The following C11orf65 variants were observed in gnomAD, a reference collection of about 807,000 sequenced individuals.
The protein encoded by C11orf65 is protein MFI.
In C11orf65, 38 loss-of-function variants were observed where a neutral mutation model predicts 35.3. The ratio of observed to expected loss-of-function variants is 1.08; its 90% CI spans 0.83 to 1.41. The LOEUF is 1.41. Ranked by LOEUF, C11orf65 falls within the 40% of genes most tolerant of loss-of-function variation. The pLI is 0.00. For synonymous variants in C11orf65, 105 were observed against 114.4 expected (o/e 0.92, Z 0.53); for missense variants, 370 against 367.1 (o/e 1.01, Z -0.06).
intron 7 of C11orf65, 42 bp from the exon 8 acceptor site, chr11:108,386,017 A>T (rs771488087): frequency 4.6e-6 from 7 of 1,507,844 alleles, no homozygotes; most frequent in Non-Finnish European, 6.4e-6. Context: ...TAATCGATTC[A>T]TTAGTACATA....
At chr11:108,419,714 C>T (rs563420677) in intron 3 of C11orf65, among the ~76,000 whole-genome samples, 3 of 151,896 alleles carry the variant, frequency 2.0e-5, no homozygotes, top group African/African-American at 7.3e-5. Flanking sequence ...AAAATAAAAT[C>T]AAAAAACTCT....
chr11:108,354,994 G>A, intron 2 of C11orf65: 2 of 868,738 alleles, frequency 2.3e-6, no homozygotes, highest in East Asian at 2.5e-5. Flanking sequence ...ATGTGGCTGG[G>A]CAGCAGAAAG....
intron 3 of C11orf65, among the ~76,000 whole-genome samples, chr11:108,427,392 C>T (rs567316481): frequency 1.3e-5 from 2 of 150,714 alleles, no homozygotes; most frequent in Admixed American, 6.6e-5. Context: ...ACAGATGCTT[C>T]TCAAAAGAAG....
chr11:108,469,521 A>G (rs1409158862), upstream of C11orf65, among the ~76,000 whole-genome samples: 3 of 151,514 alleles, frequency 2.0e-5, no homozygotes, highest in Non-Finnish European at 2.9e-5. Context: ...CATAATGGCA[A>G]AAACCGCGAT....
downstream of C11orf65, among the ~76,000 whole-genome samples, chr11:108,328,780 A>G (rs1200568957): frequency 6.6e-6 from 1 of 152,206 alleles, no homozygotes; most frequent in African/African-American, 2.4e-5. Flanking sequence ...AAAAATCACA[A>G]AAGAAATCTC....
At chr11:108,394,988 A>G (rs1362353580) in intron 6 of C11orf65, among the ~76,000 whole-genome samples, 1 of 152,040 alleles carries the variant, frequency 6.6e-6, no homozygotes, top group African/African-American at 2.4e-5. Flanking sequence ...AAACATAGCC[A>G]AGCACAGTGG....
At chr11:108,434,431 G>A (rs1794680470) in intron 2 of C11orf65, among the ~76,000 whole-genome samples, 1 of 151,768 alleles carries the variant, frequency 6.6e-6, no homozygotes, top group Non-Finnish European at 1.5e-5. Flanking sequence ...CTTGAATCTG[G>A]CAAGCGGAGG....
At chr11:108,450,210 T>C (rs1287323253) in intron 2 of C11orf65, among the ~76,000 whole-genome samples, 2 of 151,992 alleles carry the variant, frequency 1.3e-5, no homozygotes, top group South Asian at 2.1e-4. Flanking sequence ...TCAACCATTG[T>C]GGAAGTCAGC....
At chr11:108,458,247 C>T (rs1048644691) in intron 2 of C11orf65, among the ~76,000 whole-genome samples, 24 of 149,146 alleles carry the variant, frequency 1.6e-4, no homozygotes, top group South Asian at 6.3e-4. Flanking sequence ...TGGCACGTGC[C>T]GGTATCCCAC....
At chr11:108,401,800 T>C (rs1188846931) in intron 6 of C11orf65, among the ~76,000 whole-genome samples, 3 of 152,228 alleles carry the variant, frequency 2.0e-5, no homozygotes, top group Non-Finnish European at 4.4e-5. Flanking sequence ...TACACTACAG[T>C]ATACCAGAGA....
At chr11:108,448,053 T>C (rs1000379588) in intron 2 of C11orf65, among the ~76,000 whole-genome samples, 13 of 152,182 alleles carry the variant, frequency 8.5e-5, no homozygotes, top group African/African-American at 2.4e-4. Flanking sequence ...ATAAATTCCT[T>C]GACACATACA....
chr11:108,344,368 A>G (rs227074), intron 2 of C11orf65, among the ~76,000 whole-genome samples: 82,033 of 151,964 alleles, frequency 0.54, 22,681 homozygotes, highest in Middle Eastern at 0.74. Flanking sequence ...AGGAGAGGAG[A>G]CATGAGCAGG....
intron 2 of C11orf65, chr11:108,345,658 C>T (rs974495901): frequency 8.8e-7 from 1 of 1,138,704 alleles, no homozygotes; most frequent in Non-Finnish European, 1.2e-6. Flanking sequence ...GCCCCTATAT[C>T]TGTCATATTT....
intron 6 of C11orf65, 70 bp from the exon 7 acceptor site, chr11:108,393,448 T>C (rs564439704): frequency 2.2e-6 from 3 of 1,377,110 alleles, no homozygotes; most frequent in South Asian, 2.5e-5. Flanking sequence ...ACAGGCAATA[T>C]ATATTGTTGC....
At chr11:108,448,900 A>C (rs1187642109) in intron 2 of C11orf65, among the ~76,000 whole-genome samples, 2 of 152,356 alleles carry the variant, frequency 1.3e-5, no homozygotes, top group Admixed American at 1.3e-4. Context: ...ATTTCAGCCC[A>C]AAATCTCCTT....
chr11:108,315,406 TG>T (rs2084536030), intron 6 of C11orf65, among the ~76,000 whole-genome samples: 1 of 152,244 alleles, frequency 6.6e-6, no homozygotes, highest in Non-Finnish European at 1.5e-5. Context: ...GTAATAGATT[TG>T]TGTATATTTT....
At chr11:108,390,457 T>A (rs1316997402) in intron 7 of C11orf65, among the ~76,000 whole-genome samples, 1 of 152,256 alleles carries the variant, frequency 6.6e-6, no homozygotes, top group African/African-American at 2.4e-5. Context: ...TTATTCTTTT[T>A]ATATTCCAGT....
intron 2 of C11orf65, among the ~76,000 whole-genome samples, chr11:108,459,995 A>G (rs1283457295): frequency 1.3e-5 from 2 of 152,216 alleles, no homozygotes; most frequent in Non-Finnish European, 1.5e-5. Flanking sequence ...TTAGCTGGGT[A>G]TAACAGTGCT....
intron 1 of C11orf65, among the ~76,000 whole-genome samples, chr11:108,466,210 T>C (rs1156686829): frequency 1.3e-5 from 2 of 152,138 alleles, no homozygotes; most frequent in Middle Eastern, 3.2e-3. Context: ...AGATCGACTT[T>C]ATATGGTTAT....
Sources: allele counts gnomAD v4.1 joint callset (sites outside exome capture counted in the v4.1 genomes callset), GRCh38; gene constraint gnomAD v4.1.1; transcripts MANE v1.5; gene names NCBI Gene and HGNC (gene_info 2026-07-23, HGNC 2026-07-21).